TRPM3: variants seen among roughly 807,000 people sequenced by gnomAD.
TRPM3 encodes the protein long transient receptor potential channel 3.
A neutral mutation model predicts 181.2 loss-of-function variants in TRPM3; 77 were observed. The ratio of observed to expected loss-of-function variants is 0.42; its 90% CI spans 0.35 to 0.51. The LOEUF is 0.51. Ranked by LOEUF, TRPM3 falls within the 20% of genes least tolerant of loss-of-function variation. The pLI is 0.01. For missense variants in TRPM3, 1,759 were observed against 2,196.7 expected, an observed-to-expected ratio of 0.80 and a Z score of 3.98; for synonymous variants, 745 against 796.4, an observed-to-expected ratio of 0.94 and a Z score of 1.09.
chr9:70,698,219 A>AG, intron 8 of TRPM3, among the ~76,000 whole-genome samples: 1 of 151,086 alleles, frequency 6.6e-6, no homozygotes, highest in East Asian at 2.0e-4. Flanking sequence ...AAAAAAAAAA[A>AG]AAAAGAATTT....
chr9:71,084,255 T>C lies in TRPM3; in HGVS notation c.177+36923A>G, dbSNP rs528155947. Among the ~76,000 whole-genome samples the C allele has an allele frequency of 1.6e-4, 25 of 152,128 alleles. No individual in the cohort carries two copies. In the East Asian group the frequency reaches 4.2e-3, roughly 26 times the overall value. ...CTAATTTTAACAATGAGCCACGTAGTATATTTATAAAATAAAAACTGCTCT... is the reference window on the plus strand; with the variant it reads ...CTAATTTTAACAATGAGCCACGTAGCATATTTATAAAATAAAAACTGCTCT... On this transcript the variant is annotated intron_variant, in intron 1 of 25. Coordinates refer to ENST00000677713, the MANE Select transcript of TRPM3 (RefSeq NM_001366145.2).
In TRPM3 at chr9:71,314,085, A is replaced by C. The variant is rs550135188; in HGVS notation, c.183+132568T>G. ...CACAATAGAGTCAATAATTTATTTA[A>C]CTATTCTCCATATTCTATAATGTTG... is the stretch of plus-strand genomic sequence containing the variant. On this transcript the variant is annotated intron_variant, in intron 1 of 24. Coordinates refer to the TRPM3 transcript ENST00000357533. Among the ~76,000 whole-genome samples the C allele has an allele frequency of 4.8e-4, 73 of 152,280 alleles. 1 individual carries two copies. The highest frequency in any genetic ancestry group is 1.7e-3 in the African/African-American group (72 of 41,578).
intron 1 of TRPM3, among the ~76,000 whole-genome samples, chr9:71,022,766 C>G (rs531353020): frequency 1.1e-4 from 17 of 152,168 alleles, no homozygotes; most frequent in African/African-American, 3.9e-4. Flanking sequence ...AGCAAACTAC[C>G]ATGGCACATG....
At chr9:71,074,048 G>A (rs1411187865) in intron 1 of TRPM3, among the ~76,000 whole-genome samples, 1 of 152,096 alleles carries the variant, frequency 6.6e-6, no homozygotes, top group African/African-American at 2.4e-5. Context: ...AACTTCAAGA[G>A]TTACAACACG....
intron 1 of TRPM3, among the ~76,000 whole-genome samples, chr9:71,373,243 G>A (rs2092574811): frequency 6.6e-6 from 1 of 151,444 alleles, no homozygotes; most frequent in Non-Finnish European, 1.5e-5. Flanking sequence ...AAACCCCTAT[G>A]CTAGCAGAAG....
chr9:70,766,843 T>A (rs1278220572), intron 7 of TRPM3, among the ~76,000 whole-genome samples: 1 of 152,242 alleles, frequency 6.6e-6, no homozygotes, highest in African/African-American at 2.4e-5. Context: ...GGATTTAAGC[T>A]GTTACCTGTT....
intron 7 of TRPM3, chr9:70,774,690 T>C (rs914172990): frequency 1.3e-5 from 2 of 152,186 alleles, no homozygotes; most frequent in South Asian, 2.1e-4. Context: ...CACTGAATCA[T>C]GGTTCTATGG....
At chr9:70,925,577 A>G (rs1294594737) in intron 1 of TRPM3, among the ~76,000 whole-genome samples, 2 of 151,232 alleles carry the variant, frequency 1.3e-5, no homozygotes, top group Non-Finnish European at 3.0e-5. Flanking sequence ...CAGAATATGG[A>G]ATATATATAT....
At chr9:70,766,053 A>G (rs1003733177) in intron 7 of TRPM3, among the ~76,000 whole-genome samples, 1 of 152,114 alleles carries the variant, frequency 6.6e-6, no homozygotes, top group Non-Finnish European at 1.5e-5. Flanking sequence ...GTACATCTCA[A>G]ATTAGAGGGT....
intron 1 of TRPM3, among the ~76,000 whole-genome samples, chr9:71,195,757 C>T (rs1405752589): frequency 4.6e-5 from 7 of 152,084 alleles, no homozygotes; most frequent in Non-Finnish European, 8.8e-5. Context: ...TACATACACA[C>T]CATGGAATAC....
intron 1 of TRPM3, among the ~76,000 whole-genome samples, chr9:71,306,418 CT>C (rs1281339541): frequency 1.3e-5 from 2 of 152,086 alleles, no homozygotes; most frequent in African/African-American, 4.8e-5. Flanking sequence ...ATTTCCTCCT[CT>C]TGGTTTAATA....
intron 1 of TRPM3, among the ~76,000 whole-genome samples, chr9:71,216,377 G>T (rs1019811848): frequency 6.6e-6 from 1 of 152,176 alleles, no homozygotes; most frequent in Non-Finnish European, 1.5e-5. Context: ...GAGAGGCAAA[G>T]GAATCAAAGA....
chr9:71,401,479 GT>G (rs1168419058), intron 1 of TRPM3, among the ~76,000 whole-genome samples: 1 of 152,132 alleles, frequency 6.6e-6, no homozygotes, highest in African/African-American at 2.4e-5. Context: ...CAGGAGTAGT[GT>G]TTTAAATTAG....
chr9:70,766,276 C>A (rs1049953021), intron 7 of TRPM3, among the ~76,000 whole-genome samples: 1 of 152,072 alleles, frequency 6.6e-6, no homozygotes, highest in African/African-American at 2.4e-5. Context: ...TCAATATAAC[C>A]CACACATACA....
At chr9:71,439,122 C>G (rs770020689) in intron 1 of TRPM3, among the ~76,000 whole-genome samples, 53 of 152,228 alleles carry the variant, frequency 3.5e-4, no homozygotes, top group Non-Finnish European at 5.6e-4. Flanking sequence ...TTTCAAGGAC[C>G]AGGATCTGCT....
At chr9:70,877,266 C>T (rs562281520) in intron 1 of TRPM3, among the ~76,000 whole-genome samples, 13 of 152,004 alleles carry the variant, frequency 8.6e-5, no homozygotes, top group South Asian at 8.3e-4. Flanking sequence ...TATGCCAAGT[C>T]GACTCAGCTC....
rs550596699 is a variant in TRPM3 at position 70,817,039 on chromosome 9, G to C, written c.973+10808C>G. Among the ~76,000 whole-genome samples the C allele has an allele frequency of 2.6e-5, 4 of 152,296 alleles. No homozygotes were observed. The South Asian group carries it at 8.3e-4, about 32-fold the overall frequency. On this transcript the variant is annotated intron_variant, in intron 6 of 25. Transcript: ENST00000677713. Reference sequence around the variant, plus strand: ...ATACACAGACATATCTTATTTATGAGTGGCAGATAAATTTTATCTCATGTG... The same window carrying C: ...ATACACAGACATATCTTATTTATGACTGGCAGATAAATTTTATCTCATGTG...
chr9:70,609,207 G>A (rs1433471676), intron 19 of TRPM3, among the ~76,000 whole-genome samples: 2 of 152,162 alleles, frequency 1.3e-5, no homozygotes, highest in African/African-American at 4.8e-5. Context: ...GGTAAGAGGT[G>A]CAGATGGGAT....
chr9:70,983,839 TA>T (rs1256282863), intron 1 of TRPM3, among the ~76,000 whole-genome samples: 7 of 152,212 alleles, frequency 4.6e-5, no homozygotes, highest in Admixed American at 3.9e-4. Flanking sequence ...AGCCTATTGT[TA>T]CAAAGATATT....
Sources: allele counts gnomAD v4.1 joint callset (sites outside exome capture counted in the v4.1 genomes callset), GRCh38; gene constraint gnomAD v4.1.1; transcripts MANE v1.5; gene names NCBI Gene and HGNC (gene_info 2026-07-23, HGNC 2026-07-21).